Variants in DNAJC5B observed in about 807,000 individuals in gnomAD.
DNAJC5B encodes the protein dnaJ homolog subfamily C member 5B.
DNAJC5B carries 23 observed loss-of-function variants against 24.7 expected under a neutral mutation model. The ratio of observed to expected loss-of-function variants is 0.93; its 90% CI spans 0.67 to 1.32. The LOEUF is 1.32. Among genes scored for constraint, DNAJC5B ranks in the 40% most tolerant of loss-of-function variants. DNAJC5B has a pLI of 0.00. For missense variants in DNAJC5B, 238 were observed against 240.8 expected (o/e 0.99, Z 0.08); for synonymous variants, 101 against 90.1 (o/e 1.12, Z -0.68).
chr8:66,079,536 G>A (rs1241334980), intron 4 of DNAJC5B, among the ~76,000 whole-genome samples: 2 of 152,178 alleles, frequency 1.3e-5, no homozygotes, highest in Non-Finnish European at 2.9e-5. Context: ...GGGGAACTGG[G>A]AGGTGGACGT....
intron 1 of DNAJC5B, among the ~76,000 whole-genome samples, chr8:66,034,546 C>T (rs74965764): frequency 2.0e-5 from 3 of 151,798 alleles, no homozygotes; most frequent in Middle Eastern, 3.4e-3. Context: ...GTAAGCATCA[C>T]GTGCATGAGG....
upstream of DNAJC5B, among the ~76,000 whole-genome samples, chr8:66,019,284 G>A (rs1161280100): frequency 6.6e-6 from 1 of 152,208 alleles, no homozygotes; most frequent in African/African-American, 2.4e-5. Context: ...GAGAATTACT[G>A]ATTTAGTATG....
rs1482888999 is a variant in DNAJC5B, at chr8:66,098,644, TA to T, written c.506-1292del. Among the ~76,000 whole-genome samples, 6 of 152,222 alleles carry T rather than the reference TA, an allele frequency of 3.9e-5. No individual in the cohort carries two copies. In the South Asian group the frequency reaches 1.2e-3, roughly 32 times the overall value. The stretch of plus-strand genomic sequence containing the variant: ...TTAGATATGTTAGACCTTATAATTC[TA>T]TCCATCATGTCCTTTGACCTCTTTT... On this transcript the variant is annotated intron_variant, in intron 5 of 5. Transcript: ENST00000276570.
intron 1 of DNAJC5B, among the ~76,000 whole-genome samples, chr8:66,029,142 C>T (rs1806308313): frequency 6.6e-6 from 1 of 152,232 alleles, no homozygotes; most frequent in African/African-American, 2.4e-5. Context: ...CACTGCTTTC[C>T]TCTCTCTGCT....
chr8:66,038,270 G>C (rs16932440), intron 1 of DNAJC5B, among the ~76,000 whole-genome samples: 38,645 of 152,142 alleles, frequency 0.25, 10,860 homozygotes, highest in African/African-American at 0.7. Flanking sequence ...GATATGACCT[G>C]TGAAGGCACT....
At chr8:66,063,689 C>G (rs1350806915) in intron 3 of DNAJC5B, among the ~76,000 whole-genome samples, 1 of 152,192 alleles carries the variant, frequency 6.6e-6, no homozygotes, top group Non-Finnish European at 1.5e-5. Flanking sequence ...TCATTACGAT[C>G]CGTAACTTTT....
At chr8:66,042,741 C>T (rs1425485846) in intron 1 of DNAJC5B, among the ~76,000 whole-genome samples, 1 of 130,818 alleles carries the variant, frequency 7.6e-6, no homozygotes, top group Non-Finnish European at 1.6e-5. Flanking sequence ...TCTTCTTCGT[C>T]TTCTTCTTCC....
At chr8:66,029,878 G>A (rs1291552155) in intron 1 of DNAJC5B, among the ~76,000 whole-genome samples, 1 of 152,102 alleles carries the variant, frequency 6.6e-6, no homozygotes, top group Admixed American at 6.5e-5. Flanking sequence ...TGAGGGTGGG[G>A]GTGGTCGAGA....
intron 2 of DNAJC5B, among the ~76,000 whole-genome samples, chr8:66,050,601 T>C (rs1245069540): frequency 6.6e-6 from 1 of 152,202 alleles, no homozygotes; most frequent in Admixed American, 6.5e-5. Context: ...CCTGGTGGAC[T>C]AACTGAGATC....
chr8:66,053,312 A>G (rs1294857683), intron 3 of DNAJC5B, among the ~76,000 whole-genome samples: 1 of 152,188 alleles, frequency 6.6e-6, no homozygotes, highest in Non-Finnish European at 1.5e-5. Context: ...TTGACTTGTG[A>G]TACTCTACCA....
At chr8:66,077,444 A>C (rs1807492869) in intron 4 of DNAJC5B, among the ~76,000 whole-genome samples, 1 of 152,216 alleles carries the variant, frequency 6.6e-6, no homozygotes, top group Non-Finnish European at 1.5e-5. Context: ...AAAGGGCGAC[A>C]TTTTTAAGGG....
chr8:66,070,804 C>T (rs1458261889), intron 3 of DNAJC5B, among the ~76,000 whole-genome samples: 2 of 152,166 alleles, frequency 1.3e-5, no homozygotes, highest in Non-Finnish European at 2.9e-5. Context: ...TCAAACTATG[C>T]TACAAGGCCA....
intron 2 of DNAJC5B, among the ~76,000 whole-genome samples, chr8:66,046,017 A>T (rs2128958901): frequency 6.6e-6 from 1 of 152,190 alleles, no homozygotes; most frequent in South Asian, 2.1e-4. Context: ...TTGGGAATGG[A>T]GAGGTGGTAG....
intron 3 of DNAJC5B, among the ~76,000 whole-genome samples, chr8:66,053,060 C>G (rs1156727523): frequency 6.6e-6 from 1 of 152,066 alleles, no homozygotes; most frequent in Non-Finnish European, 1.5e-5. Context: ...GGACTTCAGG[C>G]TAGCTACTCA....
intron 2 of DNAJC5B, among the ~76,000 whole-genome samples, chr8:66,045,095 T>C (rs1806695450): frequency 6.6e-6 from 1 of 152,172 alleles, no homozygotes. Context: ...AAGAATCTGG[T>C]TTCTAGCTTA....
At chr8:66,026,747 G>C (rs1336633507) in intron 1 of DNAJC5B, among the ~76,000 whole-genome samples, 1 of 152,232 alleles carries the variant, frequency 6.6e-6, no homozygotes, top group African/African-American at 2.4e-5. Flanking sequence ...CTCTCCTGCT[G>C]TTTACCCTGC....
intron 5 of DNAJC5B, among the ~76,000 whole-genome samples, chr8:66,096,829 G>GAA (rs1807963741): frequency 6.6e-6 from 1 of 151,830 alleles, no homozygotes; most frequent in East Asian, 1.9e-4. Context: ...TATATCCATT[G>GAA]GTATTTATTA....
chr8:66,023,524 A>T (rs1008049864), intron 1 of DNAJC5B, among the ~76,000 whole-genome samples: 6 of 152,188 alleles, frequency 3.9e-5, no homozygotes, highest in Non-Finnish European at 7.4e-5. Context: ...TCTTAAAAAA[A>T]CATGTATACA....
chr8:66,059,637 C>T (rs1278742622), intron 3 of DNAJC5B, among the ~76,000 whole-genome samples: 2 of 152,232 alleles, frequency 1.3e-5, no homozygotes, highest in African/African-American at 2.4e-5. Flanking sequence ...CTTGGGTTCA[C>T]TGAAGAGTCT....
Sources: gnomAD v4.1 joint callset for allele counts (sites outside exome capture counted in the v4.1 genomes callset) on GRCh38, gnomAD v4.1.1 for gene constraint, MANE v1.5 for transcripts, NCBI Gene and HGNC (gene_info 2026-07-23, HGNC 2026-07-21) for gene names.